CACNA1C: variants seen among roughly 807,000 people sequenced by gnomAD.
CACNA1C encodes the protein voltage-dependent L-type calcium channel subunit alpha-1C.
Under a neutral mutation model 229.0 loss-of-function variants are expected in CACNA1C, and 30 were observed. The observed-to-expected ratio is 0.13, with a 90% CI of 0.10 to 0.18. CACNA1C has a LOEUF of 0.18. CACNA1C is among the 10% of genes least tolerant of loss of function. The pLI is 1.00. For synonymous variants in CACNA1C, 1,114 were observed against 1,132.5 expected, an observed-to-expected ratio of 0.98 and a Z score of 0.33; for missense variants, 1,658 against 2,845.0, an observed-to-expected ratio of 0.58 and a Z score of 9.49.
chr12:2,071,530 G>A (rs905555371), intron 1 of CACNA1C, among the ~76,000 whole-genome samples: 6 of 151,936 alleles, frequency 3.9e-5, no homozygotes, highest in Admixed American at 1.3e-4. Context: ...CCAGCCTCAC[G>A]ATCTTTTCAA....
At chr12:2,303,187 A>C (rs2094714690) in intron 3 of CACNA1C, among the ~76,000 whole-genome samples, 1 of 152,250 alleles carries the variant, frequency 6.6e-6, no homozygotes, top group African/African-American at 2.4e-5. Context: ...TCCAGGTGGG[A>C]AAATGAGTGA....
intron 9 of CACNA1C, among the ~76,000 whole-genome samples, chr12:2,549,423 G>C (rs12302903): frequency 0.19 from 29,546 of 152,124 alleles, 3,657 homozygotes; most frequent in African/African-American, 0.35. Flanking sequence ...CCAACTGCCG[G>C]AAAGGGAAGG....
chr12:1,992,288 T>C (rs1001984859), intron 1 of CACNA1C: 2 of 158,980 alleles, frequency 1.3e-5, no homozygotes, highest in African/African-American at 4.8e-5. Context: ...CCACCTATTA[T>C]GACAATTATA....
chr12:2,303,023 G>T (rs1211435133), intron 3 of CACNA1C, among the ~76,000 whole-genome samples: 1 of 152,238 alleles, frequency 6.6e-6, no homozygotes, highest in Non-Finnish European at 1.5e-5. Context: ...CAAGAGCAGG[G>T]TGCAGAGCTC....
intron 3 of CACNA1C, among the ~76,000 whole-genome samples, chr12:2,161,405 C>T: frequency 6.6e-6 from 1 of 152,168 alleles, no homozygotes; most frequent in Non-Finnish European, 1.5e-5. Flanking sequence ...GTGTGAGGCT[C>T]TAAACGCCAG....
rs117844074 is a variant in CACNA1C at position 2,423,203 on chromosome 12, G to T, written c.478-25773G>T. Among the ~76,000 whole-genome samples, 26 of 152,168 alleles carry T rather than the reference G, an allele frequency of 1.7e-4. No individual in the cohort carries two copies. The East Asian group carries it at 4.8e-3, about 28-fold the overall frequency. The stretch of plus-strand genomic sequence containing the variant: ...CCAGAGTGAAGCTGCACTTTGGGAC[G>T]GATGTCAGCTAGTATCTAGTATTCT... On this transcript the variant is annotated intron_variant, in intron 3 of 46. Transcript: ENST00000399655.
chr12:2,500,472 C>G (rs1290180829), intron 7 of CACNA1C, among the ~76,000 whole-genome samples: 1 of 152,132 alleles, frequency 6.6e-6, no homozygotes, highest in Non-Finnish European at 1.5e-5. Flanking sequence ...GTGTGAGGAA[C>G]TAGTGAGGAA....
intron 3 of CACNA1C, among the ~76,000 whole-genome samples, chr12:2,212,451 G>A (rs766838967): frequency 6.6e-5 from 10 of 152,314 alleles, no homozygotes; most frequent in African/African-American, 2.4e-4. Flanking sequence ...GCTTATAAAG[G>A]AAATCATTGC....
chr12:2,480,248 G>A (rs1324075730), intron 5 of CACNA1C, among the ~76,000 whole-genome samples: 6 of 152,132 alleles, frequency 3.9e-5, no homozygotes, highest in South Asian at 4.1e-4. Context: ...TCCAGGCTAC[G>A]TCGCAGTCTG....
At chr12:2,222,990 G>A (rs1267711573) in intron 3 of CACNA1C, among the ~76,000 whole-genome samples, 1 of 152,132 alleles carries the variant, frequency 6.6e-6, no homozygotes, top group African/African-American at 2.4e-5. Flanking sequence ...CTTTTTAATG[G>A]ACCCTAAACA....
At chr12:2,109,040 C>T (rs2080456595) in intron 1 of CACNA1C, among the ~76,000 whole-genome samples, 1 of 152,214 alleles carries the variant, frequency 6.6e-6, no homozygotes, top group Non-Finnish European at 1.5e-5. Context: ...AATTTATTTG[C>T]AGTTCTTCCC....
chr12:2,239,169 TA>T (rs1475025512), intron 3 of CACNA1C, among the ~76,000 whole-genome samples: 1 of 152,172 alleles, frequency 6.6e-6, no homozygotes, highest in Non-Finnish European at 1.5e-5. Context: ...GCCGTGAAGA[TA>T]ATCAGGAGGT....
intron 4 of CACNA1C, among the ~76,000 whole-genome samples, chr12:2,451,554 G>A (rs540074761): frequency 2.6e-5 from 4 of 152,348 alleles, no homozygotes; most frequent in South Asian, 4.1e-4. Flanking sequence ...AAGAAATACA[G>A]GGTGAGTAGG....
At position 2,608,610 on chromosome 12, in the gene CACNA1C, C is replaced by T. The variant is rs775462329; in HGVS notation, c.3456C>T (p.Ile1152=). 1 of 1,612,652 alleles carries T rather than the reference C, an allele frequency of 6.2e-7. No individual in the cohort carries two copies. The highest frequency in any genetic ancestry group is 8.5e-7 in the Non-Finnish European group (1 of 1,178,636). The change falls in exon 27 of 47, where the codon ATC becomes ATT. Residue 1152 remains isoleucine, a synonymous_variant. Coordinates refer to ENST00000399655, the MANE Select transcript of CACNA1C (RefSeq NM_000719.7). The surrounding 1 kb of genome is among the most constrained non-coding windows in gnomAD (Gnocchi z 4.2). ...TCTTCTTCATCATCTACATCATCAT[C>T]ATCGCCTTCTTCATGATGAACATCT... ...ISIFFIIYII[I]IAFFMMNIFV... is the part of the protein sequence containing the mutation.
chr12:2,225,868 C>T (rs146724504), intron 3 of CACNA1C, among the ~76,000 whole-genome samples: 15 of 152,138 alleles, frequency 9.9e-5, no homozygotes, highest in African/African-American at 3.6e-4. Context: ...GGATGAGGCC[C>T]CAGAGAGTGA....
At chr12:2,225,055 CA>C (rs2062576244) in intron 3 of CACNA1C, among the ~76,000 whole-genome samples, 1 of 152,084 alleles carries the variant, frequency 6.6e-6, no homozygotes, top group Non-Finnish European at 1.5e-5. Context: ...GAAGGCTTGT[CA>C]AGGCTCCATT....
chr12:2,014,626 G>T (rs1254662750), intron 1 of CACNA1C, among the ~76,000 whole-genome samples: 1 of 152,184 alleles, frequency 6.6e-6, no homozygotes, highest in African/African-American at 2.4e-5. Flanking sequence ...TGGGAGCATG[G>T]CAGAGGCCCA....
chr12:2,676,014 A>G (rs965652270), intron 39 of CACNA1C: 6 of 152,216 alleles, frequency 3.9e-5, no homozygotes, highest in African/African-American at 1.4e-4. Context: ...GTTTACATAC[A>G]TCGTTTTATT....
At position 2,647,919 on chromosome 12, in the gene CACNA1C, C is replaced by T. The variant is rs1260738768; in HGVS notation, c.3913-556C>T. The stretch of plus-strand genomic sequence containing the variant: ...AGGAGGATCGCTTGAGGCCAGCCCA[C>T]GAGTTTGAGACCAGCCTGGGCAGTA... On this transcript the variant is annotated intron_variant, in intron 30 of 46. Coordinates refer to ENST00000399655, the MANE Select transcript of CACNA1C (RefSeq NM_000719.7). This position sits in a 1 kb window ranked among gnomAD's most constrained non-coding sequence, Gnocchi z 4.2. Among the ~76,000 whole-genome samples the T allele has an allele frequency of 3.3e-5, 5 of 152,228 alleles. No individual in the cohort carries two copies. The highest frequency in any genetic ancestry group is 1.9e-4 in the East Asian group (1 of 5,176).
Sources: allele counts gnomAD v4.1 joint callset (sites outside exome capture counted in the v4.1 genomes callset), GRCh38; gene constraint gnomAD v4.1.1; non-coding constraint Gnocchi (gnomAD v3.1); transcripts MANE v1.5; gene names NCBI Gene and HGNC (gene_info 2026-07-23, HGNC 2026-07-21).